Variants in ACAP2 observed in about 807,000 individuals in gnomAD.
ACAP2 encodes ArfGAP with coiled-coil, ankyrin repeat and PH domains 2, also known as arf-GAP with coiled-coil, ANK repeat and PH domain-containing protein 2.
ACAP2 carries 39 observed loss-of-function variants against 115.8 expected under a neutral mutation model. The observed-to-expected ratio is 0.34, with a 90% CI of 0.26 to 0.44. ACAP2 has a LOEUF of 0.44. Ranked by LOEUF, ACAP2 falls within the 20% of genes least tolerant of loss-of-function variation. The pLI, the probability that ACAP2 is intolerant of heterozygous loss-of-function variation, is 1.00. For synonymous variants in ACAP2, 289 were observed against 315.8 expected (o/e 0.92, Z 0.90); for missense variants, 662 against 927.6 (o/e 0.71, Z 3.72).
At chr3:195,325,543 A>G (rs1729739199) in intron 9 of ACAP2, 1 of 398,052 alleles carries the variant, frequency 2.5e-6, no homozygotes. Context: ...AAACAGTTGA[A>G]TATTATTTAA....
intron 1 of ACAP2, among the ~76,000 whole-genome samples, chr3:195,392,542 CT>C (rs1393613266): frequency 9.2e-5 from 14 of 152,208 alleles, no homozygotes; most frequent in Non-Finnish European, 1.6e-4. Flanking sequence ...CCAAGAAGAG[CT>C]TTTACTTTCA....
chr3:195,304,553 C>T (rs1728298129), intron 13 of ACAP2, among the ~76,000 whole-genome samples: 1 of 152,188 alleles, frequency 6.6e-6, no homozygotes, highest in South Asian at 2.1e-4. Flanking sequence ...CTGCTCTCTA[C>T]ACAAACACAA....
At chr3:195,371,717 AT>A (rs1460147403) in intron 4 of ACAP2, among the ~76,000 whole-genome samples, 3 of 152,112 alleles carry the variant, frequency 2.0e-5, no homozygotes, top group African/African-American at 7.2e-5. Context: ...CAGTGGCGTG[AT>A]CTTGGCTCAC....
At chr3:195,441,205 T>C (rs1234674683) in intron 1 of ACAP2, among the ~76,000 whole-genome samples, 1 of 152,144 alleles carries the variant, frequency 6.6e-6, no homozygotes, top group Admixed American at 6.5e-5. Context: ...GCTGTGATTA[T>C]TTCACTTAAA....
intron 4 of ACAP2, among the ~76,000 whole-genome samples, chr3:195,376,691 C>T (rs1401175669): frequency 6.6e-6 from 1 of 152,116 alleles, no homozygotes; most frequent in Non-Finnish European, 1.5e-5. Context: ...TATTAAATGA[C>T]TGGACAATCT....
Position 195,351,117 on chromosome 3 carries a change from C to CTTTTTTTT in ACAP2, c.286-5808_286-5801dup, listed in dbSNP as rs1160492256. ...AACTCAGTAAATATGAAGATAAATCCTTTTTTTTTTTTGGGCGGGGGACAG... is the reference window on the plus strand; with the variant it reads ...AACTCAGTAAATATGAAGATAAATCCTTTTTTTTTTTTTTTTTTTTGGGCGGGGGACAG... On this transcript the variant is annotated intron_variant, in intron 4 of 22. Coordinates refer to ENST00000326793, the MANE Select transcript of ACAP2 (RefSeq NM_012287.6). Among the ~76,000 whole-genome samples, 216 of 107,254 alleles carry CTTTTTTTT rather than the reference C, an allele frequency of 2.0e-3. 2 individuals are homozygous for CTTTTTTTT. Among genetic ancestry groups the CTTTTTTTT allele is most frequent in the East Asian group, 0.014 (13 of 948 alleles). 70.4% of individuals were successfully genotyped at this position (107,254 alleles called of 152,430 possible). A position where few individuals can be genotyped will look rare whatever the true frequency, so the allele number is the denominator to read the frequency against.
intron 4 of ACAP2, among the ~76,000 whole-genome samples, chr3:195,375,952 A>G (rs137963406): frequency 4.2e-4 from 64 of 152,376 alleles, no homozygotes; most frequent in African/African-American, 1.5e-3. Context: ...ACAGCAAATT[A>G]GAATCCAAAA....
chr3:195,338,425 T>C (rs553699759), intron 6 of ACAP2, among the ~76,000 whole-genome samples: 1 of 152,206 alleles, frequency 6.6e-6, no homozygotes, highest in South Asian at 2.1e-4. Flanking sequence ...AATGCTCCCA[T>C]CTCAGCTTCC....
At chr3:195,320,612 A>T in intron 10 of ACAP2, 89 bp downstream of exon 10, 1 of 850,882 alleles carries the variant, frequency 1.2e-6, no homozygotes, top group South Asian at 2.0e-5. Context: ...GAAGTTAAAG[A>T]ACTATAAAGG....
At chr3:195,338,836 G>A (rs1434006172) in intron 6 of ACAP2, among the ~76,000 whole-genome samples, 1 of 151,752 alleles carries the variant, frequency 6.6e-6, no homozygotes, top group Admixed American at 6.6e-5. Context: ...TTTTTAATAT[G>A]TCCTTCCCAC....
intron 10 of ACAP2, among the ~76,000 whole-genome samples, chr3:195,317,422 T>C (rs182729434): frequency 1.4e-3 from 207 of 152,270 alleles, no homozygotes; most frequent in Non-Finnish European, 2.6e-3. Context: ...TTATAACCAA[T>C]AATATAATAG....
intron 4 of ACAP2, among the ~76,000 whole-genome samples, chr3:195,347,423 A>T (rs2108659570): frequency 6.6e-6 from 1 of 152,310 alleles, no homozygotes; most frequent in Non-Finnish European, 1.5e-5. Context: ...TATTCCAAGC[A>T]AAAGAAGTCA....
chr3:195,380,274 A>G (rs973699745), intron 4 of ACAP2, among the ~76,000 whole-genome samples: 1 of 152,242 alleles, frequency 6.6e-6, no homozygotes, highest in African/African-American at 2.4e-5. Flanking sequence ...TAACCAACAA[A>G]AAAAAATTAA....
intron 22 of ACAP2, chr3:195,285,412 A>C (rs1025388980): frequency 6.0e-5 from 10 of 165,652 alleles, no homozygotes; most frequent in Non-Finnish European, 1.0e-4. Flanking sequence ...TGACAGCTAA[A>C]AAGAATTCCA....
intron 9 of ACAP2, chr3:195,325,509 A>C (rs1577303095): frequency 2.4e-6 from 1 of 411,446 alleles, no homozygotes; most frequent in East Asian, 7.2e-5. Flanking sequence ...ATAAGCAAAA[A>C]ATAGCATCAT....
At chr3:195,431,489 G>C (rs959130102) in intron 1 of ACAP2, among the ~76,000 whole-genome samples, 18 of 152,114 alleles carry the variant, frequency 1.2e-4, no homozygotes, top group African/African-American at 4.3e-4. Context: ...CCAGGCTGGA[G>C]TGCAGTGGCG....
chr3:195,348,055 TA>T (rs59102931), intron 4 of ACAP2, among the ~76,000 whole-genome samples: 10 of 145,950 alleles, frequency 6.9e-5, no homozygotes, highest in Admixed American at 2.7e-4. Flanking sequence ...AGAAAACTTG[TA>T]AAAAAAAAAA....
chr3:195,408,509 G>A (rs989550455), intron 1 of ACAP2, among the ~76,000 whole-genome samples: 1 of 152,028 alleles, frequency 6.6e-6, no homozygotes, highest in African/African-American at 2.4e-5. Flanking sequence ...GGCTTCACTG[G>A]CAAATTCTAC....
intron 22 of ACAP2, among the ~76,000 whole-genome samples, chr3:195,283,572 TAC>T (rs1448899587): frequency 6.6e-6 from 1 of 152,096 alleles, no homozygotes; most frequent in Non-Finnish European, 1.5e-5. Context: ...TAGAAAAATG[TAC>T]AGTGATAAGC....
Sources: allele counts gnomAD v4.1 joint callset (sites outside exome capture counted in the v4.1 genomes callset), GRCh38; gene constraint gnomAD v4.1.1; transcripts MANE v1.5; gene names NCBI Gene and HGNC (gene_info 2026-07-23, HGNC 2026-07-21).